NDST3: variants seen among roughly 807,000 people sequenced by gnomAD.
The protein encoded by NDST3 is N-deacetylase and N-sulfotransferase 3.
NDST3 carries 58 observed loss-of-function variants against 96.1 expected under a neutral mutation model. That is an observed-to-expected ratio of 0.60 (90% CI 0.49 to 0.75). The LOEUF (loss-of-function observed/expected upper bound fraction) is 0.75, where lower values mean the gene tolerates loss of function less well. Among genes scored for constraint, NDST3 ranks in the 30% least tolerant of loss-of-function variants. NDST3 has a pLI of 0.00. For missense variants in NDST3, 788 were observed against 1,034.2 expected, an observed-to-expected ratio of 0.76 and a Z score of 3.27; for synonymous variants, 333 against 359.7, an observed-to-expected ratio of 0.93 and a Z score of 0.84.
intron 6 of NDST3, among the ~76,000 whole-genome samples, chr4:118,177,900 G>T (rs1052757342): frequency 6.6e-6 from 1 of 151,864 alleles, no homozygotes; most frequent in Non-Finnish European, 1.5e-5. Flanking sequence ...AATAATCCTG[G>T]AATGTTTAGA....
At chr4:118,065,593 C>T (rs1355642081) in intron 2 of NDST3, among the ~76,000 whole-genome samples, 1 of 152,014 alleles carries the variant, frequency 6.6e-6, no homozygotes, top group Non-Finnish European at 1.5e-5. Flanking sequence ...TTGATTAGGA[C>T]TACCACATAG....
At chr4:118,088,300 G>A (rs1281261317) in intron 2 of NDST3, among the ~76,000 whole-genome samples, 4 of 152,032 alleles carry the variant, frequency 2.6e-5, no homozygotes, top group Admixed American at 6.6e-5. Flanking sequence ...AGTTACTCAT[G>A]TTCAAATAAT....
At chr4:118,213,000 C>T (rs746735050) in intron 6 of NDST3, among the ~76,000 whole-genome samples, 1 of 152,166 alleles carries the variant, frequency 6.6e-6, no homozygotes, top group Non-Finnish European at 1.5e-5. Context: ...AACATTTGCT[C>T]CCCTATAGTC....
At chr4:118,043,678 C>T (rs1379205978) in intron 1 of NDST3, among the ~76,000 whole-genome samples, 1 of 152,158 alleles carries the variant, frequency 6.6e-6, no homozygotes, top group Non-Finnish European at 1.5e-5. Context: ...GGAGGAGTGA[C>T]AGCAACAGGT....
chr4:118,241,670 T>C (rs1741016345), intron 11 of NDST3, among the ~76,000 whole-genome samples: 1 of 152,236 alleles, frequency 6.6e-6, no homozygotes, highest in Admixed American at 6.5e-5. Context: ...CATCTGAGTT[T>C]ATTATAACCT....
intron 6 of NDST3, among the ~76,000 whole-genome samples, chr4:118,211,020 T>C (rs752326924): frequency 3.9e-5 from 6 of 152,094 alleles, no homozygotes; most frequent in Non-Finnish European, 7.4e-5. Context: ...AGTAAGCAAG[T>C]AGAGTAAAAT....
At chr4:118,234,500 T>G (rs1461597674) in intron 9 of NDST3, among the ~76,000 whole-genome samples, 1 of 152,052 alleles carries the variant, frequency 6.6e-6, no homozygotes, top group Non-Finnish European at 1.5e-5. Context: ...AATTATAGAA[T>G]AAAATGATAT....
At chr4:118,152,738 A>G (rs2125917149) in intron 6 of NDST3, among the ~76,000 whole-genome samples, 1 of 152,302 alleles carries the variant, frequency 6.6e-6, no homozygotes, top group African/African-American at 2.4e-5. Context: ...TATTCCTTCA[A>G]AAAAAGTGCT....
rs1742090430 is a variant in NDST3 at position 118,255,855 on chromosome 4, T to C, written c.*143T>C. On this transcript the variant is annotated 3_prime_UTR_variant, in exon 14 of 14. Transcript: ENST00000296499. ...TTTCTTCCATGTGCTGGCACGTGGATGATTAGAAAAAAAGAAAAAGTATGT... is the reference window on the plus strand; with the variant it reads ...TTTCTTCCATGTGCTGGCACGTGGACGATTAGAAAAAAAGAAAAAGTATGT... 10 of 978,150 alleles carry C rather than the reference T, an allele frequency of 1.0e-5. No individual in the cohort carries two copies. Among genetic ancestry groups the C allele is most frequent in the Non-Finnish European group, 1.1e-5 (8 of 698,804 alleles). 60.6% of individuals were successfully genotyped at this position (978,150 alleles called of 1,614,324 possible).
intron 9 of NDST3, among the ~76,000 whole-genome samples, chr4:118,236,320 G>C (rs1047016864): frequency 1.3e-5 from 2 of 152,146 alleles, no homozygotes; most frequent in Admixed American, 6.5e-5. Flanking sequence ...CTACATTTCA[G>C]TGCTTGAACC....
At chr4:118,167,620 A>C (rs539251624) in intron 6 of NDST3, among the ~76,000 whole-genome samples, 22 of 152,168 alleles carry the variant, frequency 1.4e-4, no homozygotes, top group Admixed American at 1.3e-3. Context: ...TTGAGACAGG[A>C]GAACAAAGCT....
At chr4:118,118,981 T>A (rs1489611858) in intron 4 of NDST3, among the ~76,000 whole-genome samples, 1 of 152,194 alleles carries the variant, frequency 6.6e-6, no homozygotes, top group Non-Finnish European at 1.5e-5. Flanking sequence ...AATGATAAAA[T>A]AGTTAATAGA....
At chr4:118,139,769 T>A (rs1219724739) in intron 5 of NDST3, among the ~76,000 whole-genome samples, 1 of 152,188 alleles carries the variant, frequency 6.6e-6, no homozygotes, top group African/African-American at 2.4e-5. Context: ...TCAAACATCA[T>A]TCTATCCCCC....
chr4:118,171,849 C>T (rs567385503), intron 6 of NDST3, among the ~76,000 whole-genome samples: 7 of 152,172 alleles, frequency 4.6e-5, no homozygotes, highest in South Asian at 4.1e-4. Context: ...TTAAGTAGGG[C>T]TTGTTGGTAA....
At chr4:118,215,975 TAAG>T (rs912478452) in intron 6 of NDST3, among the ~76,000 whole-genome samples, 1 of 152,004 alleles carries the variant, frequency 6.6e-6, no homozygotes, top group African/African-American at 2.4e-5. Context: ...AATGAATAAA[TAAG>T]AAGAATATCC....
At chr4:118,248,704 T>C (rs1741472765) in intron 12 of NDST3, among the ~76,000 whole-genome samples, 1 of 152,224 alleles carries the variant, frequency 6.6e-6, no homozygotes, top group South Asian at 2.1e-4. Flanking sequence ...AGTGCTTACA[T>C]AAAAAGATAG....
At chr4:118,053,455 C>T (rs892060746) in intron 1 of NDST3, among the ~76,000 whole-genome samples, 8 of 151,996 alleles carry the variant, frequency 5.3e-5, no homozygotes, top group East Asian at 1.9e-4. Flanking sequence ...GTGACCTCTC[C>T]GTGGTCTTTG....
At chr4:118,094,714 T>G (rs1377104252) in intron 2 of NDST3, among the ~76,000 whole-genome samples, 1 of 151,874 alleles carries the variant, frequency 6.6e-6, no homozygotes, top group Non-Finnish European at 1.5e-5. Context: ...GCCTACTACA[T>G]GCCAAGCACT....
At chr4:118,251,130 A>C (rs201282032) in intron 12 of NDST3, among the ~76,000 whole-genome samples, 1 of 126,108 alleles carries the variant, frequency 7.9e-6, no homozygotes, top group Non-Finnish European at 1.6e-5. Context: ...TTTTTATTTT[A>C]TTTTTTTTTT....
Sources: allele counts gnomAD v4.1 joint callset (sites outside exome capture counted in the v4.1 genomes callset), GRCh38; gene constraint gnomAD v4.1.1; transcripts MANE v1.5; gene names NCBI Gene and HGNC (gene_info 2026-07-23, HGNC 2026-07-21).